The following ZPBP variants were observed in gnomAD, a reference collection of about 807,000 sequenced individuals.
ZPBP encodes the protein zona pellucida binding protein.
ZPBP carries 26 observed loss-of-function variants against 44.8 expected under a neutral mutation model. That is an observed-to-expected ratio of 0.58 (90% CI 0.43 to 0.81). The LOEUF (loss-of-function observed/expected upper bound fraction) is 0.81. Among genes scored for constraint, ZPBP ranks in the 30% least tolerant of loss-of-function variants. ZPBP has a pLI of 0.00. For synonymous variants in ZPBP, 174 were observed against 153.2 expected, an observed-to-expected ratio of 1.14 and a Z score of -1.00; for missense variants, 409 against 434.0, an observed-to-expected ratio of 0.94 and a Z score of 0.51.
At chr7:49,871,965 A>G (rs1791177516) in intron 2 of ZPBP, among the ~76,000 whole-genome samples, 1 of 137,584 alleles carries the variant, frequency 7.3e-6, no homozygotes, top group African/African-American at 2.6e-5. Flanking sequence ...ACACCGAGAA[A>G]GAGAGGGAGG....
intron 1 of ZPBP, among the ~76,000 whole-genome samples, chr7:49,910,026 T>C (rs1257891134): frequency 6.6e-6 from 1 of 152,070 alleles, no homozygotes; most frequent in Non-Finnish European, 1.5e-5. Flanking sequence ...GGAGGGTCCC[T>C]TGAGCCCAGG....
intron 2 of ZPBP, among the ~76,000 whole-genome samples, chr7:49,893,342 G>C (rs1792224552): frequency 6.6e-6 from 1 of 152,118 alleles, no homozygotes; most frequent in Non-Finnish European, 1.5e-5. Flanking sequence ...GCACTCCCTG[G>C]GAGTCACTGA....
chr7:49,856,593 A>G (rs1382306621), intron 2 of ZPBP, among the ~76,000 whole-genome samples: 1 of 152,214 alleles, frequency 6.6e-6, no homozygotes, highest in Non-Finnish European at 1.5e-5. Flanking sequence ...AAAAAACTTC[A>G]CACAATTAGT....
chr7:49,887,376 T>C (rs931641059), intron 2 of ZPBP, among the ~76,000 whole-genome samples: 2 of 152,254 alleles, frequency 1.3e-5, no homozygotes, highest in African/African-American at 4.8e-5. Context: ...CACCATTTGC[T>C]AGTCATCAAG....
chr7:49,983,714 G>A (rs1797129960), intron 6 of ZPBP, among the ~76,000 whole-genome samples, 195 bp from the exon 7 acceptor site: 1 of 151,930 alleles, frequency 6.6e-6, no homozygotes, highest in Non-Finnish European at 1.5e-5. Flanking sequence ...ATTTCTAAAT[G>A]CACTTCCAAT....
chr7:49,900,431 C>T lies in ZPBP; in HGVS notation n.509+687G>A, dbSNP rs527801873. Among the ~76,000 whole-genome samples the T allele has an allele frequency of 4.0e-5, 6 of 151,198 alleles. No homozygotes were observed. The East Asian group carries it at 1.2e-3, about 29-fold the overall frequency. On this transcript the variant is annotated intron_variant and non_coding_transcript_variant, in intron 2 of 2. Transcript: ENST00000465922. Reference sequence around the variant, plus strand: ...TCTAAGTATCTCACCAAGCTAAGAACAAAAAAGAGGATGCAAATTGCTATA... The same window carrying T: ...TCTAAGTATCTCACCAAGCTAAGAATAAAAAAGAGGATGCAAATTGCTATA...
At chr7:50,086,067 G>A (rs1802627042) in intron 2 of ZPBP, among the ~76,000 whole-genome samples, 1 of 152,106 alleles carries the variant, frequency 6.6e-6, no homozygotes, top group Non-Finnish European at 1.5e-5. Context: ...ACTAGTTCAA[G>A]ATGTTTAATG....
chr7:50,018,139 T>C, intron 6 of ZPBP, 101 bp downstream of exon 6: 1 of 835,102 alleles, frequency 1.2e-6, no homozygotes, highest in Non-Finnish European at 2.0e-6. Context: ...TCCTTAACTG[T>C]GGGGATTCAA....
intron 6 of ZPBP, among the ~76,000 whole-genome samples, chr7:50,007,260 A>G (rs540962797): frequency 6.6e-6 from 1 of 152,076 alleles, no homozygotes; most frequent in Admixed American, 6.6e-5. Context: ...ACTGAAAGAA[A>G]AAGTATGTCA....
chr7:49,948,608 T>C (rs1277866179), intron 7 of ZPBP, among the ~76,000 whole-genome samples: 1 of 152,054 alleles, frequency 6.6e-6, no homozygotes, highest in South Asian at 2.1e-4. Flanking sequence ...AATAAGTATA[T>C]AAACAGATGC....
chr7:49,880,988 A>G (rs1038268217), intron 2 of ZPBP, among the ~76,000 whole-genome samples: 3 of 152,176 alleles, frequency 2.0e-5, no homozygotes, highest in South Asian at 4.1e-4. Flanking sequence ...CTTTCAATCC[A>G]TCCTTTGTAC....
intron 3 of ZPBP, among the ~76,000 whole-genome samples, chr7:50,074,048 C>T (rs542740505): frequency 1.2e-4 from 18 of 151,838 alleles, no homozygotes; most frequent in African/African-American, 3.9e-4. Flanking sequence ...CTTTGATGAA[C>T]GAATCAAAAA....
At chr7:49,930,941 G>A (rs1055264786) in intron 1 of ZPBP, among the ~76,000 whole-genome samples, 4 of 152,200 alleles carry the variant, frequency 2.6e-5, no homozygotes, top group African/African-American at 9.6e-5. Context: ...CCAAGTGGGA[G>A]GTAATTGAAT....
chr7:50,077,507 A>G (rs141364294), intron 3 of ZPBP, among the ~76,000 whole-genome samples: 146 of 151,910 alleles, frequency 9.6e-4, no homozygotes, highest in Middle Eastern at 3.4e-3. Context: ...TTTGACAAGG[A>G]TTAATATCCA....
intron 2 of ZPBP, among the ~76,000 whole-genome samples, chr7:49,861,572 C>T (rs909464139): frequency 6.6e-6 from 1 of 152,074 alleles, no homozygotes; most frequent in Non-Finnish European, 1.5e-5. Context: ...CTGCCAAATT[C>T]TGGGTAAGAA....
intron 2 of ZPBP, among the ~76,000 whole-genome samples, chr7:49,857,930 T>G (rs1790489448): frequency 6.6e-6 from 1 of 152,188 alleles, no homozygotes; most frequent in African/African-American, 2.4e-5. Flanking sequence ...CTACTGATGC[T>G]GATACATCAG....
At chr7:49,932,181 A>G (rs577990369) in intron 1 of ZPBP, among the ~76,000 whole-genome samples, 18 of 152,354 alleles carry the variant, frequency 1.2e-4, no homozygotes, top group African/African-American at 4.3e-4. Context: ...TGGAGTCCTC[A>G]CTGGGGTACT....
intron 6 of ZPBP, among the ~76,000 whole-genome samples, chr7:50,015,859 G>A (rs182249872): frequency 6.6e-6 from 1 of 152,240 alleles, no homozygotes; most frequent in East Asian, 1.9e-4. Context: ...AAACCGCAAT[G>A]AGATAGCATC....
At chr7:49,866,950 GC>G (rs1790917569) in intron 2 of ZPBP, among the ~76,000 whole-genome samples, 1 of 152,204 alleles carries the variant, frequency 6.6e-6, no homozygotes, top group East Asian at 1.9e-4. Context: ...AGACCCAGAA[GC>G]CCACCTGTGT....
Sources: gnomAD v4.1 joint callset for allele counts (sites outside exome capture counted in the v4.1 genomes callset) on GRCh38, gnomAD v4.1.1 for gene constraint, MANE v1.5 for transcripts, NCBI Gene and HGNC (gene_info 2026-07-23, HGNC 2026-07-21) for gene names.